Variants in ZCCHC14 observed in about 807,000 individuals in gnomAD.
ZCCHC14 encodes zinc finger CCHC-type containing 14.
A neutral mutation model predicts 85.0 loss-of-function variants in ZCCHC14; 16 were observed. The ratio of observed to expected loss-of-function variants is 0.19; its 90% CI spans 0.13 to 0.29. The LOEUF (loss-of-function observed/expected upper bound fraction) is 0.29. Ranked by LOEUF, ZCCHC14 falls within the 10% of genes least tolerant of loss-of-function variation. ZCCHC14 has a pLI of 1.00. For synonymous variants in ZCCHC14, 775 were observed against 630.7 expected (o/e 1.23, Z -3.43); for missense variants, 1,303 against 1,443.5 (o/e 0.90, Z 1.58).
Position 87,451,487 on chromosome 16 carries a change from C to G in ZCCHC14, c.694+8521G>C, listed in dbSNP as rs77861091. On this transcript the variant is annotated intron_variant, in intron 2 of 12. Coordinates refer to ENST00000671377, the MANE Select transcript of ZCCHC14 (RefSeq NM_015144.3). ...TGCTGGGATTACAGGCGTGAGCCACCATGCCCAGACAAATTTCCATTTGTA... is the reference window on the plus strand; with the variant it reads ...TGCTGGGATTACAGGCGTGAGCCACGATGCCCAGACAAATTTCCATTTGTA... Among the ~76,000 whole-genome samples, 594 of 152,338 alleles carry G rather than the reference C, an allele frequency of 3.9e-3. 5 individuals are homozygous for G. The East Asian group carries it at 0.052, about 13-fold the overall frequency.
At chr16:87,436,190 A>T (rs771068088) in intron 2 of ZCCHC14, among the ~76,000 whole-genome samples, 7 of 152,254 alleles carry the variant, frequency 4.6e-5, no homozygotes, top group Non-Finnish European at 1.0e-4. Context: ...CATATTTCAT[A>T]TCTGGACAGG....
intron 1 of ZCCHC14, chr16:87,471,442 G>A (rs946234434): frequency 2.0e-5 from 3 of 152,210 alleles, no homozygotes; most frequent in Non-Finnish European, 4.4e-5. Flanking sequence ...AAAAGAGAAA[G>A]AGAGAAAAAA....
At position 87,490,300 on chromosome 16, in the gene ZCCHC14, CA is replaced by C. The variant is rs374955580; in HGVS notation, c.570+1368del. Among the ~76,000 whole-genome samples, 559 of 152,348 alleles carry C rather than the reference CA, an allele frequency of 3.7e-3. 4 individuals are homozygous for C. The highest frequency in any genetic ancestry group is 7.0e-3 in the South Asian group (34 of 4,828). Reference sequence around the variant, plus strand: ...CGGTGTTCTCAGCCACTCATAAAAGCAAAGTCTTATCAAAGTTTTAACTTCA... The same window carrying C: ...CGGTGTTCTCAGCCACTCATAAAAGCAAGTCTTATCAAAGTTTTAACTTCA... On this transcript the variant is annotated intron_variant, in intron 1 of 12. Transcript: ENST00000671377.
At chr16:87,464,364 T>C (rs1387938183) in intron 1 of ZCCHC14, among the ~76,000 whole-genome samples, 1 of 152,242 alleles carries the variant, frequency 6.6e-6, no homozygotes, top group Non-Finnish European at 1.5e-5. Flanking sequence ...GAAGCTTCTC[T>C]GGTGATTCTA....
In ZCCHC14 at chr16:87,409,234, G is replaced by A. The variant is rs1567505187; in HGVS notation, c.*1046C>T. ...AATTCCCAATCTTTTGCTGATAAAT[G>A]ACAGGACTGTATCATTGTTGAAATG... On this transcript the variant is annotated 3_prime_UTR_variant, in exon 13 of 13. Coordinates refer to ENST00000671377, the MANE Select transcript of ZCCHC14 (RefSeq NM_015144.3). 6.6e-6 allele frequency: 1 copy of A among 152,032 alleles called. No homozygotes were observed. The highest frequency in any genetic ancestry group is 1.5e-5 in the Non-Finnish European group (1 of 67,946). 9.4% of individuals were successfully genotyped at this position (152,032 alleles called of 1,614,324 possible). A position where few individuals can be genotyped will look rare whatever the true frequency, so the allele number is the denominator to read the frequency against.
At chr16:87,461,957 T>C (rs1476127135) in intron 1 of ZCCHC14, among the ~76,000 whole-genome samples, 4 of 152,082 alleles carry the variant, frequency 2.6e-5, no homozygotes, top group Admixed American at 2.6e-4. Flanking sequence ...GCTACATAAT[T>C]GGGAAGTTTA....
intron 2 of ZCCHC14, among the ~76,000 whole-genome samples, chr16:87,438,796 C>G (rs1161210293): frequency 6.6e-6 from 1 of 152,226 alleles, no homozygotes; most frequent in Non-Finnish European, 1.5e-5. Flanking sequence ...CGGCACTGCC[C>G]CGGTCTTCCT....
intron 1 of ZCCHC14, among the ~76,000 whole-genome samples, chr16:87,464,662 C>G (rs933436219): frequency 6.6e-6 from 1 of 152,184 alleles, no homozygotes; most frequent in African/African-American, 2.4e-5. Flanking sequence ...ACCTGTTTTC[C>G]TCCGTATATT....
Position 87,492,378 on chromosome 16 carries a change from C to G in ZCCHC14, c.-140G>C, listed in dbSNP as rs1912808985. ...GGGTCCGGGCGAGGGCGCGCGGGCG[C>G]CGCGGGCCGGGCGGGCGCCGGGGCG... is the stretch of plus-strand genomic sequence containing the variant. On this transcript the variant is annotated 5_prime_UTR_variant, in exon 1 of 13. Coordinates refer to ENST00000671377, the MANE Select transcript of ZCCHC14 (RefSeq NM_015144.3). The surrounding 1 kb of genome is among the most constrained non-coding windows in gnomAD (Gnocchi z 6.7). 6.8e-6 allele frequency: 1 copy of G among 146,950 alleles called. No individual in the cohort carries two copies. The highest frequency in any genetic ancestry group is 2.5e-5 in the African/African-American group (1 of 40,144). 9.1% of individuals were successfully genotyped at this position (146,950 alleles called of 1,614,324 possible).
chr16:87,420,488 AC>A lies in ZCCHC14; in HGVS notation c.950+118del. 4.2e-6 allele frequency: 3 copies of A among 715,784 alleles called. No homozygotes were observed. Among genetic ancestry groups the A allele is most frequent in the Non-Finnish European group, 4.5e-6 (2 of 442,566 alleles). 44.3% of individuals were successfully genotyped at this position (715,784 alleles called of 1,614,324 possible). A position where few individuals can be genotyped will look rare whatever the true frequency, so the allele number is the denominator to read the frequency against. ...GGAAATCCCTAGAGGCCAAGTAGAG[AC>A]CCAGGTCCAGGTGACCGCGCATCCT... On this transcript the variant is annotated intron_variant, in intron 5 of 12. Transcript: ENST00000671377. This position sits in a 1 kb window ranked among gnomAD's most constrained non-coding sequence, Gnocchi z 5.0.
At chr16:87,446,131 C>T (rs1910423656) in intron 2 of ZCCHC14, among the ~76,000 whole-genome samples, 1 of 147,294 alleles carries the variant, frequency 6.8e-6, no homozygotes, top group Non-Finnish European at 1.5e-5. Context: ...CGCGCCATTG[C>T]ACTCCAACCT....
In ZCCHC14 at chr16:87,412,003, ATGGTGG is replaced by A. The variant is rs769194539; in HGVS notation, c.2712_2717del (p.His905_His906del). The A allele has an allele frequency of 3.4e-5, 55 of 1,609,184 alleles. No homozygotes were observed. The highest frequency in any genetic ancestry group is 1.8e-4 in the Admixed American group (11 of 59,956). On this transcript the variant is annotated inframe_deletion, in exon 12 of 13. Transcript: ENST00000671377. ...GCTGCGGGGGTGCCGGGGGCTGCTG[ATGGTGG>A]TGGTGGTGGTGGTGGTTCGGATTCG...
intron 3 of ZCCHC14, among the ~76,000 whole-genome samples, chr16:87,430,911 G>A (rs925283468): frequency 5.3e-5 from 8 of 151,968 alleles, no homozygotes; most frequent in Non-Finnish European, 1.0e-4. Context: ...AGGCTGAGGC[G>A]GGCAGATCGC....
chr16:87,455,862 G>A (rs1020108550), intron 2 of ZCCHC14, among the ~76,000 whole-genome samples: 1 of 152,180 alleles, frequency 6.6e-6, no homozygotes, highest in East Asian at 1.9e-4. Flanking sequence ...TATGAAGTGG[G>A]CTGTGTGTTA....
chr16:87,431,907 T>G (rs1909683615), intron 3 of ZCCHC14, among the ~76,000 whole-genome samples: 1 of 152,122 alleles, frequency 6.6e-6, no homozygotes, highest in African/African-American at 2.4e-5. Flanking sequence ...GCGCCGAGAC[T>G]CCGGCACTAC....
chr16:87,455,285 T>TCCCCGTTC (rs1567531197), intron 2 of ZCCHC14, among the ~76,000 whole-genome samples: 2 of 146,388 alleles, frequency 1.4e-5, no homozygotes, highest in Non-Finnish European at 3.0e-5. Context: ...TGAAACTCCG[T>TCCCCGTTC]CCCCCCCCGC....
intron 3 of ZCCHC14, among the ~76,000 whole-genome samples, chr16:87,428,238 T>C (rs1049241854): frequency 6.6e-6 from 1 of 152,104 alleles, no homozygotes; most frequent in Non-Finnish European, 1.5e-5. Context: ...AAAACAACGA[T>C]ACATAAAAAT....
chr16:87,422,788 G>T (rs545372088), intron 4 of ZCCHC14, among the ~76,000 whole-genome samples: 1 of 151,912 alleles, frequency 6.6e-6, no homozygotes, highest in Admixed American at 6.6e-5. Context: ...ATGAGAGGTC[G>T]AAGTTCCAGC....
intron 1 of ZCCHC14, among the ~76,000 whole-genome samples, chr16:87,483,688 C>T (rs558504071): frequency 1.1e-4 from 16 of 152,160 alleles, no homozygotes; most frequent in Admixed American, 2.6e-4. Flanking sequence ...AGTGCTAACT[C>T]GCTGGGCTCG....
Sources: gnomAD v4.1 joint callset for allele counts (sites outside exome capture counted in the v4.1 genomes callset) on GRCh38, gnomAD v4.1.1 for gene constraint, Gnocchi (gnomAD v3.1) non-coding constraint, MANE v1.5 for transcripts, NCBI Gene and HGNC (gene_info 2026-07-23, HGNC 2026-07-21) for gene names.